ABTB3: variants seen among roughly 807,000 people sequenced by gnomAD.
ABTB3 encodes the protein ankyrin repeat and BTB domain containing 3.
the ABTB3 span, among the ~76,000 whole-genome samples, chr12:107,645,214 G>A: frequency 2.6e-5 from 4 of 152,144 alleles, no homozygotes; most frequent in East Asian, 3.9e-4. Context: ...TGATCCGCCC[G>A]CCTTGGCCTC....
the ABTB3 span, among the ~76,000 whole-genome samples, chr12:107,547,216 A>G: frequency 6.9e-6 from 1 of 144,804 alleles, no homozygotes; most frequent in Non-Finnish European, 1.5e-5. Context: ...GAAGAAGGAG[A>G]AGGGGGAGGG....
chr12:107,623,736 T>C, the ABTB3 span, among the ~76,000 whole-genome samples: 1 of 152,134 alleles, frequency 6.6e-6, no homozygotes, highest in African/African-American at 2.4e-5. Context: ...GCCCACTTGG[T>C]TCCAGGCACT....
chr12:107,502,999 A>G, the ABTB3 span, among the ~76,000 whole-genome samples: 3 of 152,058 alleles, frequency 2.0e-5, no homozygotes, highest in Non-Finnish European at 4.4e-5. Context: ...GACAATTACC[A>G]TTGAAAAGAG....
At chr12:107,568,038 T>G in the ABTB3 span, among the ~76,000 whole-genome samples, 2 of 152,212 alleles carry the variant, frequency 1.3e-5, no homozygotes, top group African/African-American at 4.8e-5. Context: ...TATCCTGGTC[T>G]CTAGGTGACA....
the ABTB3 span, chr12:107,581,418 C>T: frequency 4.6e-6 from 4 of 872,972 alleles, no homozygotes; most frequent in Middle Eastern, 4.0e-4. Flanking sequence ...ACCTCGGCGG[C>T]GCTGGGGTGG....
chr12:107,634,563 G>A, the ABTB3 span, among the ~76,000 whole-genome samples: 1 of 152,136 alleles, frequency 6.6e-6, no homozygotes, highest in Non-Finnish European at 1.5e-5. Flanking sequence ...GAAACAAAAT[G>A]CTCTGTTTCG....
chr12:107,356,829 C>T, the ABTB3 span, among the ~76,000 whole-genome samples: 39 of 152,192 alleles, frequency 2.6e-4, no homozygotes, highest in African/African-American at 9.2e-4. Context: ...TCAGTGATCC[C>T]GCCAGCTAAA....
At chr12:107,467,711 T>C in the ABTB3 span, among the ~76,000 whole-genome samples, 1 of 152,202 alleles carries the variant, frequency 6.6e-6, no homozygotes, top group Non-Finnish European at 1.5e-5. Flanking sequence ...AACCAGCTTC[T>C]TGAAGCAAAG....
the ABTB3 span, among the ~76,000 whole-genome samples, chr12:107,499,121 A>G: frequency 3.9e-5 from 6 of 152,148 alleles, no homozygotes; most frequent in African/African-American, 1.4e-4. Flanking sequence ...GGCACTCAGG[A>G]AATGTTAGTG....
chr12:107,526,262 T>C, the ABTB3 span, among the ~76,000 whole-genome samples: 1 of 152,128 alleles, frequency 6.6e-6, no homozygotes, highest in African/African-American at 2.4e-5. Context: ...GTAAGCTAAA[T>C]CAAGAGGCCA....
At chr12:107,583,827 C>T in the ABTB3 span, among the ~76,000 whole-genome samples, 17 of 152,184 alleles carry the variant, frequency 1.1e-4, no homozygotes, top group African/African-American at 1.7e-4. Flanking sequence ...CAGAGGAAGT[C>T]GGTTCCTCTG....
At chr12:107,526,023 A>G in the ABTB3 span, among the ~76,000 whole-genome samples, 1 of 152,108 alleles carries the variant, frequency 6.6e-6, no homozygotes, top group East Asian at 1.9e-4. Flanking sequence ...TCAGCTTTGT[A>G]TTGTGAGCAC....
the ABTB3 span, chr12:107,318,751 T>C: frequency 1.6e-6 from 1 of 638,282 alleles, no homozygotes. Context: ...CTCCAGGGTC[T>C]GCTCTGTATA....
chr12:107,548,240 T>C, the ABTB3 span, among the ~76,000 whole-genome samples: 1 of 152,214 alleles, frequency 6.6e-6, no homozygotes, highest in African/African-American at 2.4e-5. Context: ...TCCTTGACTA[T>C]CATTATTCTG....
chr12:107,361,670 A>G, the ABTB3 span, among the ~76,000 whole-genome samples: 2 of 152,158 alleles, frequency 1.3e-5, no homozygotes, highest in Non-Finnish European at 2.9e-5. Context: ...TCCTTTCTCT[A>G]CACTAGTTCT....
At chr12:107,338,040 T>C in the ABTB3 span, among the ~76,000 whole-genome samples, 2 of 152,332 alleles carry the variant, frequency 1.3e-5, no homozygotes, top group East Asian at 1.9e-4. Context: ...CTGGTTTTGT[T>C]GTTGGAAAGA....
the ABTB3 span, among the ~76,000 whole-genome samples, chr12:107,494,515 A>G: frequency 6.6e-6 from 1 of 152,162 alleles, no homozygotes. Flanking sequence ...CCCAGCCTAG[A>G]CCGGGTATGG....
At chr12:107,564,219 G>A in the ABTB3 span, among the ~76,000 whole-genome samples, 1 of 151,494 alleles carries the variant, frequency 6.6e-6, no homozygotes, top group Non-Finnish European at 1.5e-5. Flanking sequence ...TCCACCCATT[G>A]TATGTTTGAC....
chr12:107,328,998 C>CTG, the ABTB3 span, among the ~76,000 whole-genome samples: 1 of 152,138 alleles, frequency 6.6e-6, no homozygotes, highest in Non-Finnish European at 1.5e-5. Context: ...CCCAGCTGTC[C>CTG]ATCAGATCAC....
Sources: gnomAD v4.1 joint callset for allele counts (sites outside exome capture counted in the v4.1 genomes callset) on GRCh38, gnomAD v4.1.1 for gene constraint, MANE v1.5 for transcripts, NCBI Gene and HGNC (gene_info 2026-07-23, HGNC 2026-07-21) for gene names.